The following SMARCC1 variants were observed in gnomAD, a reference collection of about 807,000 sequenced individuals.
SMARCC1 encodes the protein SWI/SNF related BAF chromatin remodeling complex subunit C1.
Under a neutral mutation model 147.4 loss-of-function variants are expected in SMARCC1, and 43 were observed. The ratio of observed to expected loss-of-function variants is 0.29; its 90% confidence interval spans 0.23 to 0.38. The LOEUF is 0.38. Among genes scored for constraint, SMARCC1 ranks in the 10% least tolerant of loss-of-function variants. The pLI, the probability that SMARCC1 is intolerant of heterozygous loss-of-function variation, is 1.00. For missense variants in SMARCC1, 1,119 were observed against 1,381.1 expected (o/e 0.81, Z 3.01); for synonymous variants, 495 against 484.4 (o/e 1.02, Z -0.29).
At chr3:47,727,520 G>A (rs141851208) in intron 6 of SMARCC1, among the ~76,000 whole-genome samples, 1 of 151,568 alleles carries the variant, frequency 6.6e-6, no homozygotes, top group Non-Finnish European at 1.5e-5. Context: ...AAAAAAAATT[G>A]TACTGTGTGT....
At chr3:47,699,465 T>C (rs558326173) in intron 11 of SMARCC1, among the ~76,000 whole-genome samples, 58 of 152,236 alleles carry the variant, frequency 3.8e-4, no homozygotes, top group South Asian at 8.3e-4. Context: ...GCAAAATACA[T>C]ACAGACCAAC....
chr3:47,680,330 G>A (rs1202830282), intron 15 of SMARCC1, 107 bp downstream of exon 15: 2 of 766,172 alleles, frequency 2.6e-6, no homozygotes, highest in East Asian at 5.0e-5. Context: ...TCTGAAAGGA[G>A]TATTTGCAAA....
chr3:47,624,162 A>C (rs2106687650), intron 24 of SMARCC1, among the ~76,000 whole-genome samples: 1 of 152,034 alleles, frequency 6.6e-6, no homozygotes, highest in South Asian at 2.1e-4. Context: ...GTGGTGGTGC[A>C]TGTCTGTAAT....
chr3:47,767,972 C>A (rs2034861499), intron 2 of SMARCC1, among the ~76,000 whole-genome samples: 1 of 151,792 alleles, frequency 6.6e-6, no homozygotes, highest in Non-Finnish European at 1.5e-5. Flanking sequence ...AGTAGCTGGG[C>A]CTACAAGCGT....
intron 21 of SMARCC1, among the ~76,000 whole-genome samples, chr3:47,644,920 TC>T (rs2033097828): frequency 6.6e-6 from 1 of 152,136 alleles, no homozygotes; most frequent in South Asian, 2.1e-4. Flanking sequence ...AACTGTATCA[TC>T]CTCTTGGTAT....
At chr3:47,646,194 C>A (rs1326259693) in intron 21 of SMARCC1, among the ~76,000 whole-genome samples, 2 of 152,162 alleles carry the variant, frequency 1.3e-5, no homozygotes, top group African/African-American at 4.8e-5. Flanking sequence ...GTGCATTTCT[C>A]AAGATGCTAT....
intron 8 of SMARCC1, among the ~76,000 whole-genome samples, chr3:47,711,946 G>A (rs2034088814): frequency 1.3e-5 from 2 of 152,140 alleles, no homozygotes; most frequent in Admixed American, 6.6e-5. Flanking sequence ...TAAATAGAGT[G>A]TATAGGCCGG....
At chr3:47,760,247 G>A (rs2034758186) in intron 2 of SMARCC1, among the ~76,000 whole-genome samples, 1 of 152,144 alleles carries the variant, frequency 6.6e-6, no homozygotes. Context: ...CCAGGAGGCA[G>A]ACTGCAGTGA....
At chr3:47,675,761 C>T (rs774877028) in intron 17 of SMARCC1, among the ~76,000 whole-genome samples, 173 bp from the exon 18 acceptor site, 13 of 152,010 alleles carry the variant, frequency 8.6e-5, no homozygotes, top group Non-Finnish European at 1.5e-4. Context: ...GCCTGACCAA[C>T]GTGGTGAAAC....
chr3:47,701,549 T>A (rs1343359739), intron 10 of SMARCC1, 147 bp from the exon 11 acceptor site: 2 of 733,282 alleles, frequency 2.7e-6, no homozygotes, highest in Non-Finnish European at 4.5e-6. Context: ...TCGCGGTGGT[T>A]CATGCCTGTA....
At chr3:47,745,826 A>G (rs1343814380) in intron 3 of SMARCC1, 82 bp downstream of exon 3, 3 of 789,972 alleles carry the variant, frequency 3.8e-6, no homozygotes, top group Admixed American at 5.7e-5. Flanking sequence ...TCATGTGCTT[A>G]CAGGATTTTC....
intron 11 of SMARCC1, among the ~76,000 whole-genome samples, chr3:47,699,042 G>A (rs1388995085): frequency 2.0e-5 from 3 of 152,128 alleles, no homozygotes; most frequent in Non-Finnish European, 2.9e-5. Context: ...ACTTTAAATT[G>A]GGTCACAGAC....
intron 21 of SMARCC1, 100 bp downstream of exon 21, chr3:47,661,194 T>C (rs2033341470): frequency 1.0e-6 from 1 of 972,164 alleles, no homozygotes. Flanking sequence ...TACTGATCAT[T>C]GTACTCACTT....
chr3:47,693,583 A>G (rs2033814985), intron 11 of SMARCC1, among the ~76,000 whole-genome samples: 1 of 152,190 alleles, frequency 6.6e-6, no homozygotes, highest in Non-Finnish European at 1.5e-5. Context: ...AGTTTTTTTT[A>G]TTAAAGTTTA....
intron 9 of SMARCC1, among the ~76,000 whole-genome samples, chr3:47,709,557 G>A (rs1459580820): frequency 8.6e-5 from 13 of 151,976 alleles, no homozygotes; most frequent in African/African-American, 2.7e-4. Flanking sequence ...GTGGTGGCAC[G>A]TGCCTGTAGT....
chr3:47,738,267 T>C (rs1243384395), intron 3 of SMARCC1, among the ~76,000 whole-genome samples, 157 bp from the exon 4 acceptor site: 2 of 152,162 alleles, frequency 1.3e-5, no homozygotes, highest in African/African-American at 4.8e-5. Flanking sequence ...TAAGAATACA[T>C]AGTATCAACA....
chr3:47,751,739 G>A (rs927195552), intron 2 of SMARCC1, among the ~76,000 whole-genome samples: 8 of 151,858 alleles, frequency 5.3e-5, no homozygotes, highest in Non-Finnish European at 1.0e-4. Flanking sequence ...AGGAATAGAC[G>A]GAACTCATGA....
intron 22 of SMARCC1, among the ~76,000 whole-genome samples, chr3:47,638,436 T>C (rs1295399220): frequency 1.3e-5 from 2 of 152,200 alleles, no homozygotes; most frequent in Non-Finnish European, 2.9e-5. Context: ...TGTGTATTCA[T>C]ATTCCCTCTT....
intron 14 of SMARCC1, among the ~76,000 whole-genome samples, chr3:47,682,122 C>T (rs532277856): frequency 6.6e-5 from 10 of 151,430 alleles, no homozygotes; most frequent in South Asian, 2.1e-4. Context: ...GGTGAAACCC[C>T]GTCTCTACTA....
Sources: gnomAD v4.1 joint callset for allele counts (sites outside exome capture counted in the v4.1 genomes callset) on GRCh38, gnomAD v4.1.1 for gene constraint, MANE v1.5 for transcripts, NCBI Gene and HGNC (gene_info 2026-07-23, HGNC 2026-07-21) for gene names.